CNTRL: variants seen among roughly 807,000 people sequenced by gnomAD.
CNTRL encodes 110 kDa centrosomal protein.
In CNTRL, 233 loss-of-function variants were observed where a neutral mutation model predicts 303.7. The ratio of observed to expected loss-of-function variants is 0.77; its 90% CI spans 0.69 to 0.86. CNTRL has a LOEUF of 0.86. CNTRL is among the 40% of genes least tolerant of loss of function. The probability of loss-of-function intolerance (pLI) is 0.00; values close to 1 mark genes in which losing one functional copy is unlikely to be tolerated. For synonymous variants in CNTRL, 900 were observed against 922.2 expected (o/e 0.98, Z 0.44); for missense variants, 2,524 against 2,650.6 (o/e 0.95, Z 1.05).
At position 121,094,957 on chromosome 9, in the gene CNTRL, A is replaced by T. The variant is rs2048826603; in HGVS notation, c.418A>T (p.Ile140Phe). Residue 140 changes from isoleucine to phenylalanine, a missense_variant, in exon 5 of 44, where the codon ATT (isoleucine) becomes TTT (phenylalanine). Ile to Phe is a conservative substitution (Grantham distance 21). Transcript: ENST00000373855. ...TCTCAGCTATAATCTAATAGGGAAG[A>T]TTGAAAAGTTGGACAAGCTGTTAAA... ...LNLSYNLIGK[I>F]EKLDKLLKLR... 10 of 1,605,156 alleles carry T rather than the reference A, an allele frequency of 6.2e-6. No homozygotes were observed. The highest frequency in any genetic ancestry group is 8.5e-6 in the Non-Finnish European group (10 of 1,173,700).
rs753161567 is a variant in CNTRL, at chr9:121,168,298, T to C, written c.6047T>C (p.Leu2016Pro). The C allele has an allele frequency of 9.9e-6, 16 of 1,613,934 alleles. No individual in the cohort carries two copies. The Admixed American group carries it at 1.5e-4, about 15-fold the overall frequency. Residue 2016 changes from leucine (L) to proline (P), a missense_variant, in exon 38 of 44, where the codon CTG (leucine) becomes CCG (proline). Transcript: ENST00000373855. ...GAAGAGGAGAGGTGGTGTGAGAGCC[T>C]GGAGAAGACACTCTCCCAAACTAGT... The part of the protein sequence containing the change: ...LQEEERWCES[L>P]EKTLSQTKRQ...
At chr9:121,116,257 A>G (rs1225778226) in intron 11 of CNTRL, among the ~76,000 whole-genome samples, 2 of 152,238 alleles carry the variant, frequency 1.3e-5, no homozygotes, top group African/African-American at 4.8e-5. Flanking sequence ...TGCAGAGGTG[A>G]CAGTGTGCAC....
intron 23 of CNTRL, 26 bp downstream of exon 23, chr9:121,146,282 G>A: frequency 1.9e-6 from 3 of 1,585,288 alleles, no homozygotes; most frequent in Non-Finnish European, 2.6e-6. Flanking sequence ...TGTTGGGAAT[G>A]TATACTGAAT....
At chr9:121,149,588 T>C (rs1201309257) in intron 24 of CNTRL, among the ~76,000 whole-genome samples, 1 of 151,988 alleles carries the variant, frequency 6.6e-6, no homozygotes. Flanking sequence ...ATATTTTTAG[T>C]AGAGATGAGG....
intron 11 of CNTRL, 71 bp from the exon 12 acceptor site, chr9:121,118,275 T>G: frequency 8.3e-7 from 1 of 1,205,024 alleles, no homozygotes; most frequent in East Asian, 2.5e-5. Flanking sequence ...TTATTAAAAT[T>G]ATAGACATTG....
intron 36 of CNTRL, among the ~76,000 whole-genome samples, chr9:121,166,872 T>C (rs1403331357): frequency 6.6e-6 from 1 of 150,816 alleles, no homozygotes. Flanking sequence ...AAATACAAAA[T>C]TAGCCAGGCG....
At chr9:121,100,958 A>G (rs2049134380) in intron 7 of CNTRL, among the ~76,000 whole-genome samples, 1 of 152,178 alleles carries the variant, frequency 6.6e-6, no homozygotes, top group African/African-American at 2.4e-5. Context: ...CACAATAATA[A>G]TGGGAGACTT....
chr9:121,175,711 G>C (rs891034119), intron 43 of CNTRL, among the ~76,000 whole-genome samples: 2 of 152,216 alleles, frequency 1.3e-5, no homozygotes, highest in African/African-American at 4.8e-5. Context: ...GCAAAGACTT[G>C]GTAGAGGTAG....
chr9:121,177,459 CAG>C lies in CNTRL; in HGVS notation c.*274_*275del, dbSNP rs1314678651. The C allele has an allele frequency of 3.9e-5, 14 of 358,932 alleles. No homozygotes were observed. Among genetic ancestry groups the C allele is most frequent in the Non-Finnish European group, 5.4e-5 (11 of 203,120 alleles). The allele number at this position is 358,932 out of a possible 1,614,324, so 22.2% of individuals were successfully genotyped here. ...TCTTCGTAACATGTTTAAAAAAAAA[CAG>C]TGATTTTAACTGCATATTTGAACCT... On this transcript the variant is annotated 3_prime_UTR_variant, in exon 44 of 44. Coordinates refer to ENST00000373855, the MANE Select transcript of CNTRL (RefSeq NM_007018.6).
At chr9:121,108,865 G>T (rs2049608033) in intron 8 of CNTRL, among the ~76,000 whole-genome samples, 2 of 152,188 alleles carry the variant, frequency 1.3e-5, no homozygotes, top group East Asian at 3.9e-4. Context: ...TAGCAGAAAT[G>T]AAAGTCCACT....
chr9:121,106,212 G>T (rs528913968), intron 7 of CNTRL, among the ~76,000 whole-genome samples: 5 of 151,734 alleles, frequency 3.3e-5, no homozygotes, highest in Non-Finnish European at 7.4e-5. Context: ...GGTTTTGGGC[G>T]CCTGTAATCT....
chr9:121,158,118 A>G lies in CNTRL; in HGVS notation c.4764+9A>G, dbSNP rs2052672156. Reference sequence around the variant, plus strand: ...AAAAGCTGAAAAGCCAGGTATGGCAATAGACACCTTGAAAAAACAACTGAC... The same window carrying G: ...AAAAGCTGAAAAGCCAGGTATGGCAGTAGACACCTTGAAAAAACAACTGAC... On this transcript the variant is annotated intron_variant, in intron 30 of 43. Coordinates refer to ENST00000373855, the MANE Select transcript of CNTRL (RefSeq NM_007018.6). The G allele has an allele frequency of 1.9e-6, 3 of 1,612,698 alleles. No homozygotes were observed. The highest frequency in any genetic ancestry group is 1.1e-5 in the South Asian group (1 of 90,938).
Position 121,171,490 on chromosome 9 carries a change from G to A in CNTRL, c.6359G>A (p.Arg2120Lys). Residue 2120 changes from arginine (R) to lysine (K), a missense_variant, in exon 40 of 44, where the codon AGG (arginine) becomes AAG (lysine). By Grantham distance (26) the Arg-to-Lys change is conservative (BLOSUM62 2). Coordinates refer to ENST00000373855, the MANE Select transcript of CNTRL (RefSeq NM_007018.6). The part of the protein sequence containing the change: ...LVAQDNHERA[R>K]RLMKELNQMQ... ...GCCCAGGACAACCATGAGCGGGCCAGGCGCCTGATGAAGGAGCTCAACCAG... is the reference window on the plus strand; with the variant it reads ...GCCCAGGACAACCATGAGCGGGCCAAGCGCCTGATGAAGGAGCTCAACCAG... 9 of 1,614,106 alleles carry A rather than the reference G, an allele frequency of 5.6e-6. No individual in the cohort carries two copies. Among genetic ancestry groups the A allele is most frequent in the Non-Finnish European group, 7.6e-6 (9 of 1,179,972 alleles).
chr9:121,145,422 G>T (rs376612675), intron 22 of CNTRL, 37 bp downstream of exon 22: 2 of 1,553,430 alleles, frequency 1.3e-6, no homozygotes, highest in Admixed American at 2.1e-5. Flanking sequence ...CAGTGGTTTT[G>T]TAGTCATAAA....
At chr9:121,125,086 T>C (rs1009298989) in intron 13 of CNTRL, among the ~76,000 whole-genome samples, 1 of 152,180 alleles carries the variant, frequency 6.6e-6, no homozygotes, top group Admixed American at 6.5e-5. Flanking sequence ...ATTCATCTTA[T>C]ATACTAGGTG....
At chr9:121,090,512 T>C in intron 4 of CNTRL, 107 bp downstream of exon 4, 1 of 1,037,288 alleles carries the variant, frequency 9.6e-7, no homozygotes, top group Non-Finnish European at 1.4e-6. Flanking sequence ...GGCAGACCTT[T>C]TATTGTTTCC....
At position 121,143,942 on chromosome 9, in the gene CNTRL, G is replaced by C. The variant is rs773131553; in HGVS notation, c.2911G>C (p.Gly971Arg). 1 of 1,606,770 alleles carries C rather than the reference G, an allele frequency of 6.2e-7. No individual in the cohort carries two copies. The highest frequency in any genetic ancestry group is 1.1e-5 in the South Asian group (1 of 89,752). ...TGCCAAATCTCAGGAGCAAGTTTTT[G>C]GTTTAGATAAAGAACTGAAGAAACT... ...EDAKSQEQVFGLDKELKKLKK... is the reference protein window; with the variant it reads ...EDAKSQEQVFRLDKELKKLKK... The change falls in exon 20 of 44, where the codon GGT (glycine) becomes CGT (arginine). Residue 971 changes from glycine to arginine, a missense_variant. By Grantham distance (125) the Gly-to-Arg change is moderately radical. Coordinates refer to ENST00000373855, the MANE Select transcript of CNTRL (RefSeq NM_007018.6).
At chr9:121,077,319 G>T (rs2047964632) in intron 1 of CNTRL, among the ~76,000 whole-genome samples, 2 of 150,288 alleles carry the variant, frequency 1.3e-5, no homozygotes, top group Admixed American at 6.7e-5. Context: ...CTTGGTCTTT[G>T]TTCATGTGAT....
chr9:121,146,359 T>G (rs902232158), intron 23 of CNTRL, 103 bp downstream of exon 23: 1 of 1,199,984 alleles, frequency 8.3e-7, no homozygotes, highest in African/African-American at 1.5e-5. Context: ...AAACAACATT[T>G]CTATGCTAAG....
Sources: gnomAD v4.1 joint callset for allele counts (sites outside exome capture counted in the v4.1 genomes callset) on GRCh38, gnomAD v4.1.1 for gene constraint, MANE v1.5 for transcripts, NCBI Gene and HGNC (gene_info 2026-07-23, HGNC 2026-07-21) for gene names.